The following DCAF1 variants were observed in gnomAD, a reference collection of about 807,000 sequenced individuals.
DCAF1 encodes DDB1 and CUL4 associated factor 1, also known as DDB1- and CUL4-associated factor 1.
A neutral mutation model predicts 128.0 loss-of-function variants in DCAF1; 15 were observed. That is an observed-to-expected ratio of 0.12 (90% CI 0.08 to 0.18). The LOEUF is 0.18. DCAF1 is among the 10% of genes least tolerant of loss of function. DCAF1 has a pLI of 1.00. For missense variants in DCAF1, 988 were observed against 1,649.5 expected (o/e 0.60, Z 6.95); for synonymous variants, 610 against 603.0 (o/e 1.01, Z -0.17).
intron 6 of DCAF1, among the ~76,000 whole-genome samples, chr3:51,451,938 T>C (rs941346058): frequency 3.9e-5 from 6 of 152,172 alleles, no homozygotes; most frequent in African/African-American, 1.4e-4. Flanking sequence ...ACAGTGTTTT[T>C]AAAACTTCTT....
intron 6 of DCAF1, among the ~76,000 whole-genome samples, chr3:51,457,175 G>C (rs1011063870): frequency 2.0e-5 from 3 of 152,106 alleles, no homozygotes; most frequent in African/African-American, 7.2e-5. Context: ...AAAAAAATTA[G>C]ACAAATGGAT....
At chr3:51,424,829 T>A (rs1312104909) in intron 13 of DCAF1, among the ~76,000 whole-genome samples, 1 of 152,126 alleles carries the variant, frequency 6.6e-6, no homozygotes, top group African/African-American at 2.4e-5. Context: ...ATATATAGTA[T>A]AAAAACATGA....
At chr3:51,473,426 T>C (rs1178217482) in intron 3 of DCAF1, among the ~76,000 whole-genome samples, 2 of 108,876 alleles carry the variant, frequency 1.8e-5, no homozygotes, top group Non-Finnish European at 3.9e-5. Context: ...CTTTCTAGTC[T>C]TTTTTTTTTT....
In DCAF1 at chr3:51,441,813, T is replaced by C; in HGVS notation, c.598A>G (p.Lys200Glu). 6.2e-7 allele frequency: 1 copy of C among 1,613,828 alleles called. No homozygotes were observed. Among genetic ancestry groups the C allele is most frequent in the Non-Finnish European group, 8.5e-7 (1 of 1,179,864 alleles). Reference protein sequence around the residue: ...RQENKRPSPRKLSSEPLLPLD... With the variant: ...RQENKRPSPRELSSEPLLPLD... ...GGCAAAAGGGGTTCAGAAGAGAGCTTCCGTGGACTGGGACGCTTGTTTTCC... is the reference window on the plus strand; with the variant it reads ...GGCAAAAGGGGTTCAGAAGAGAGCTCCCGTGGACTGGGACGCTTGTTTTCC... The change falls in exon 8 of 25, where the codon AAG (lysine) becomes GAG (glutamate). Residue 200 changes from lysine (K) to glutamate (E), a missense_variant. Physicochemically the swap from Lys to Glu is moderately conservative, Grantham distance 56. This residue lies in a region of DCAF1 where 210 missense variants were observed against 260.2 expected (regional missense o/e 0.81). Coordinates refer to ENST00000684031, the MANE Select transcript of DCAF1 (RefSeq NM_001387579.1).
chr3:51,474,308 T>A (rs1705161923), intron 3 of DCAF1, among the ~76,000 whole-genome samples: 1 of 151,982 alleles, frequency 6.6e-6, no homozygotes, highest in Non-Finnish European at 1.5e-5. Flanking sequence ...TAATTCCAGC[T>A]ACTCGGGAGG....
At chr3:51,473,319 T>G (rs1269176869) in intron 3 of DCAF1, among the ~76,000 whole-genome samples, 1 of 149,562 alleles carries the variant, frequency 6.7e-6, no homozygotes, top group African/African-American at 2.5e-5. Context: ...TGACACTCTA[T>G]AATAATGACA....
intron 2 of DCAF1, among the ~76,000 whole-genome samples, chr3:51,491,940 G>A (rs1423422048): frequency 2.0e-5 from 3 of 151,750 alleles, no homozygotes; most frequent in Non-Finnish European, 4.4e-5. Flanking sequence ...GGCAGATCAC[G>A]AGGTCAGGAG....
chr3:51,500,774 C>A (rs945417959), upstream of DCAF1, among the ~76,000 whole-genome samples: 1 of 150,692 alleles, frequency 6.6e-6, no homozygotes, highest in African/African-American at 2.4e-5. Flanking sequence ...TGTTCTCGAA[C>A]TCCTGGGCTG....
At chr3:51,426,218 T>TC (rs1553634046) in intron 13 of DCAF1, among the ~76,000 whole-genome samples, 1 of 152,090 alleles carries the variant, frequency 6.6e-6, no homozygotes, top group East Asian at 1.9e-4. Flanking sequence ...GGGTTCACTT[T>TC]TTTTTTTTTG....
Position 51,483,798 on chromosome 3 carries a change from T to C in DCAF1, c.31A>G (p.Lys11Glu), listed in dbSNP as rs1359878350. The change falls in exon 3 of 25, where the codon AAA becomes GAA. Residue 11 changes from lysine (K) to glutamate (E), a missense_variant. Physicochemically the swap from Lys to Glu is moderately conservative, Grantham distance 56 (BLOSUM62 1). Coordinates refer to ENST00000684031, the MANE Select transcript of DCAF1 (RefSeq NM_001387579.1). MTTVVVHVDS[K>E]AELTTLLEQW... is the part of the protein sequence containing the mutation. ...TCCAGCAGGGTAGTGAGCTCAGCTT[T>C]GGAGTCCACATGTACCACTACTGTA... The C allele has an allele frequency of 4.3e-6, 7 of 1,613,760 alleles. No homozygotes were observed. Among genetic ancestry groups the C allele is most frequent in the Non-Finnish European group, 5.9e-6 (7 of 1,179,876 alleles).
chr3:51,412,241 A>C lies in DCAF1; in HGVS notation c.4212+138T>G. 4.3e-6 allele frequency: 5 copies of C among 1,159,848 alleles called. No homozygotes were observed. In the South Asian group the frequency reaches 5.3e-5, roughly 12 times the overall value. 71.8% of individuals were successfully genotyped at this position (1,159,848 alleles called of 1,614,324 possible). On this transcript the variant is annotated intron_variant, in intron 23 of 24. Coordinates refer to ENST00000684031, the MANE Select transcript of DCAF1 (RefSeq NM_001387579.1). ...AATTTCTTCTGAGTTTCAGTGATCA[A>C]GGGTACATGACAAGCCTTATGAATG...
chr3:51,486,511 A>C (rs1018237551), intron 2 of DCAF1, among the ~76,000 whole-genome samples: 5 of 151,996 alleles, frequency 3.3e-5, no homozygotes, highest in Admixed American at 6.6e-5. Flanking sequence ...CAGACTTTCT[A>C]ACCAAAGCCA....
At chr3:51,443,632 G>A in intron 7 of DCAF1, 134 bp downstream of exon 7, 1 of 802,738 alleles carries the variant, frequency 1.2e-6, no homozygotes, top group Non-Finnish European at 1.7e-6. Context: ...AACTCTTATG[G>A]AAACTAATAT....
chr3:51,488,969 G>A (rs558659555), intron 2 of DCAF1, among the ~76,000 whole-genome samples: 9 of 152,278 alleles, frequency 5.9e-5, no homozygotes, highest in African/African-American at 1.7e-4. Context: ...CGTCTCGGGT[G>A]GGGCAGGGGG....
intron 6 of DCAF1, among the ~76,000 whole-genome samples, chr3:51,447,597 T>C (rs1702001171): frequency 6.6e-6 from 1 of 152,170 alleles, no homozygotes. Flanking sequence ...ACTGACATGT[T>C]ATGAAGAATT....
intron 24 of DCAF1, among the ~76,000 whole-genome samples, chr3:51,400,346 C>T (rs2089570842): frequency 6.6e-6 from 1 of 152,174 alleles, no homozygotes; most frequent in African/African-American, 2.4e-5. Flanking sequence ...CTTGCCTGGT[C>T]CCTGCGGCAG....
intron 24 of DCAF1, among the ~76,000 whole-genome samples, chr3:51,400,503 C>A (rs2089588278): frequency 6.6e-6 from 1 of 152,216 alleles, no homozygotes; most frequent in Non-Finnish European, 1.5e-5. Flanking sequence ...ACTGTAAATG[C>A]AGCTTAACGA....
chr3:51,479,319 T>C (rs1180713605), intron 3 of DCAF1, among the ~76,000 whole-genome samples: 3 of 151,520 alleles, frequency 2.0e-5, no homozygotes, highest in Non-Finnish European at 2.9e-5. Context: ...CTGGGCAACA[T>C]AGCGAAAACC....
chr3:51,474,606 GT>G (rs1255526878), intron 3 of DCAF1, among the ~76,000 whole-genome samples: 137 of 140,562 alleles, frequency 9.7e-4, no homozygotes, highest in Admixed American at 1.3e-3. Context: ...GTTGGTGATG[GT>G]TTTTTTTTTT....
Sources: gnomAD v4.1 joint callset for allele counts (sites outside exome capture counted in the v4.1 genomes callset) on GRCh38, gnomAD v4.1.1 for gene constraint, gnomAD v4.1.1 regional missense constraint, MANE v1.5 for transcripts, NCBI Gene and HGNC (gene_info 2026-07-23, HGNC 2026-07-21) for gene names.